The following PAK2 variants were observed in gnomAD, a reference collection of about 807,000 sequenced individuals.
PAK2 encodes serine/threonine-protein kinase PAK 2.
In PAK2, 21 loss-of-function variants were observed where a neutral mutation model predicts 65.9. That is an observed-to-expected ratio of 0.32 (90% CI 0.23 to 0.46). PAK2 has a LOEUF of 0.46. Ranked by LOEUF, PAK2 falls within the 20% of genes least tolerant of loss-of-function variation. The pLI is 1.00. For synonymous variants in PAK2, 204 were observed against 219.7 expected, an observed-to-expected ratio of 0.93 and a Z score of 0.63; for missense variants, 324 against 642.6, an observed-to-expected ratio of 0.50 and a Z score of 5.36.
intron 13 of PAK2, among the ~76,000 whole-genome samples, chr3:196,824,282 TGGG>T (rs752724871): frequency 6.6e-6 from 1 of 152,026 alleles, no homozygotes; most frequent in Non-Finnish European, 1.5e-5. Context: ...ATCTGCCTGA[TGGG>T]GGGAAAAAGC....
intron 13 of PAK2, 26 bp from the exon 14 acceptor site, chr3:196,827,170 G>A: frequency 6.5e-7 from 1 of 1,544,132 alleles, no homozygotes; most frequent in South Asian, 1.2e-5. Flanking sequence ...ATCTTAAGTG[G>A]ATCAAAGATG....
At position 196,831,529 on chromosome 3, in the gene PAK2, CT is replaced by C. The variant is rs1712085581; in HGVS notation, c.*3127del. 6.6e-6 allele frequency: 1 copy of C among 152,174 alleles called. No individual in the cohort carries two copies. Among genetic ancestry groups the C allele is most frequent in the Non-Finnish European group, 1.5e-5 (1 of 68,034 alleles). The allele number at this position is 152,174 out of a possible 1,614,324, so 9.4% of individuals were successfully genotyped here. ...TGGCACATAGTATTCATTCTCTTCC[CT>C]TTAACATAGAAGTGTCCAGCTGCGT... On this transcript the variant is annotated 3_prime_UTR_variant, in exon 15 of 15. Transcript: ENST00000327134.
At chr3:196,796,848 T>G (rs1715273609) in intron 2 of PAK2, among the ~76,000 whole-genome samples, 1 of 152,194 alleles carries the variant, frequency 6.6e-6, no homozygotes, top group South Asian at 2.1e-4. Context: ...TAAGGAAGGT[T>G]GTTATTTCGT....
At chr3:196,795,422 G>T (rs116087789) in intron 2 of PAK2, among the ~76,000 whole-genome samples, 69 of 152,140 alleles carry the variant, frequency 4.5e-4, no homozygotes, top group Non-Finnish European at 8.7e-4. Context: ...AGCTGAGATC[G>T]CACCACTGCA....
At chr3:196,759,631 A>G (rs1264097939) in intron 1 of PAK2, among the ~76,000 whole-genome samples, 1 of 148,770 alleles carries the variant, frequency 6.7e-6, no homozygotes, top group African/African-American at 2.5e-5. Context: ...GGTTCAAGCA[A>G]TTCTTCTGCC....
At chr3:196,802,964 A>G in intron 3 of PAK2, 53 bp from the exon 4 acceptor site, 3 of 1,233,678 alleles carry the variant, frequency 2.4e-6, no homozygotes, top group Non-Finnish European at 3.3e-6. Context: ...CTGGAAATTA[A>G]TTTTATTGCA....
chr3:196,747,909 T>A (rs1713442803), intron 1 of PAK2, among the ~76,000 whole-genome samples: 1 of 152,194 alleles, frequency 6.6e-6, no homozygotes, highest in Non-Finnish European at 1.5e-5. Flanking sequence ...TGCCTGAATG[T>A]CACTGAGGCC....
intron 8 of PAK2, among the ~76,000 whole-genome samples, chr3:196,810,936 C>T (rs557648865): frequency 3.9e-5 from 6 of 152,048 alleles, no homozygotes; most frequent in Admixed American, 6.6e-5. Flanking sequence ...ATTTAAAAGA[C>T]AATAAGAATA....
At chr3:196,763,301 CAG>C (rs1714046441) in intron 1 of PAK2, among the ~76,000 whole-genome samples, 1 of 152,126 alleles carries the variant, frequency 6.6e-6, no homozygotes. Context: ...GCAGTAGACT[CAG>C]TGCTGCTGGC....
chr3:196,770,594 G>C lies in PAK2; in HGVS notation c.-21-12032G>C, dbSNP rs945155988. On this transcript the variant is annotated intron_variant, in intron 1 of 14. Coordinates refer to ENST00000327134, the MANE Select transcript of PAK2 (RefSeq NM_002577.4). ...ACATTTTGTTTATTCAATCCTGCAA[G>C]TTTTTTATATATAGTATTTTATTTT... is the stretch of plus-strand genomic sequence containing the variant. 5.3e-5 allele frequency among the ~76,000 whole-genome samples: 8 copies of C among 151,978 alleles called. 1 individual carries two copies. Among genetic ancestry groups the C allele is most frequent in the African/African-American group, 1.7e-4 (7 of 41,380 alleles).
chr3:196,764,848 T>C (rs1411789876), intron 1 of PAK2, among the ~76,000 whole-genome samples: 1 of 143,528 alleles, frequency 7.0e-6, no homozygotes, highest in African/African-American at 2.5e-5. Context: ...TTTCTTTTTT[T>C]TTTTTTTTTT....
At chr3:196,740,569 A>G (rs1713156107) in intron 1 of PAK2, among the ~76,000 whole-genome samples, 1 of 152,064 alleles carries the variant, frequency 6.6e-6, no homozygotes, top group African/African-American at 2.4e-5. Flanking sequence ...ACTGATTCTC[A>G]GCCCCTGCTT....
At chr3:196,743,676 A>G (rs1462393108) in intron 1 of PAK2, among the ~76,000 whole-genome samples, 2 of 152,078 alleles carry the variant, frequency 1.3e-5, no homozygotes, top group South Asian at 2.1e-4. Context: ...GGTGAAACCT[A>G]TATTCTCTAC....
At chr3:196,744,735 C>T (rs1713316753) in intron 1 of PAK2, among the ~76,000 whole-genome samples, 1 of 152,082 alleles carries the variant, frequency 6.6e-6, no homozygotes. Context: ...TATAGTGGCA[C>T]CTCTACTTTT....
Position 196,811,199 on chromosome 3 carries a change from C to CT in PAK2, c.773+547dup, listed in dbSNP as rs1453484876. ...TGAAAACTTCCATATGAATTCCTTC[C>CT]TCCCTTCCTTCCCTTCCCTCCCTCC... On this transcript the variant is annotated intron_variant, in intron 8 of 14. Transcript: ENST00000327134. Among the ~76,000 whole-genome samples the CT allele has an allele frequency of 1.0e-4, 5 of 47,880 alleles. 1 individual carries two copies. The highest frequency in any genetic ancestry group is 2.8e-4 in the African/African-American group (4 of 14,260). The allele number at this position is 47,880 out of a possible 152,430, so 31.4% of individuals were successfully genotyped here.
intron 1 of PAK2, among the ~76,000 whole-genome samples, chr3:196,751,779 G>C (rs972952620): frequency 3.2e-4 from 29 of 90,892 alleles, no homozygotes; most frequent in Non-Finnish European, 8.3e-5. Context: ...TTTCACTCTT[G>C]TTGCCCAGGT....
intron 1 of PAK2, among the ~76,000 whole-genome samples, chr3:196,775,946 C>G (rs6798777): frequency 0.063 from 9,567 of 152,034 alleles, 425 homozygotes; most frequent in African/African-American, 0.13. Context: ...TGTGTTCTGT[C>G]GAGTATAAGA....
chr3:196,748,036 AT>A (rs1365537998), intron 1 of PAK2, among the ~76,000 whole-genome samples: 8 of 151,758 alleles, frequency 5.3e-5, no homozygotes, highest in Non-Finnish European at 1.2e-4. Context: ...TTTCTTTTTC[AT>A]TTATTTGGTT....
chr3:196,760,071 T>C (rs538337353), intron 1 of PAK2, among the ~76,000 whole-genome samples: 1 of 152,346 alleles, frequency 6.6e-6, no homozygotes, highest in East Asian at 1.9e-4. Flanking sequence ...CCATCCATGC[T>C]GTGGCATCTC....
Sources: allele counts gnomAD v4.1 joint callset (sites outside exome capture counted in the v4.1 genomes callset), GRCh38; gene constraint gnomAD v4.1.1; transcripts MANE v1.5; gene names NCBI Gene and HGNC (gene_info 2026-07-23, HGNC 2026-07-21).